The following FAM131C variants were observed in gnomAD, a reference collection of about 807,000 sequenced individuals.
FAM131C encodes the protein protein FAM131C.
FAM131C carries 14 observed loss-of-function variants against 29.8 expected under a neutral mutation model. The ratio of observed to expected loss-of-function variants is 0.47; its 90% confidence interval spans 0.31 to 0.73. The LOEUF (loss-of-function observed/expected upper bound fraction) is 0.73, where lower values mean the gene tolerates loss of function less well. Ranked by LOEUF, FAM131C falls within the 30% of genes least tolerant of loss-of-function variation. FAM131C has a pLI of 0.05. For synonymous variants in FAM131C, 86 were observed against 157.8 expected (o/e 0.54, Z 3.41); for missense variants, 252 against 383.8 (o/e 0.66, Z 2.87).
In FAM131C at chr1:16,062,392, C is replaced by G. The variant is rs987387436; in HGVS notation, c.174+107G>C. 240 of 1,291,288 alleles carry G rather than the reference C, an allele frequency of 1.9e-4. 14 individuals are homozygous for G. The East Asian group carries it at 2.6e-3, about 14-fold the overall frequency. The allele number at this position is 1,291,288 out of a possible 1,614,324, so 80.0% of individuals were successfully genotyped here. ...ACTGTTTCATCAGGCCCCCCCCCCC[C>G]CCGCCCCAGGGCCAGCAGGACTGTG... On this transcript the variant is annotated intron_variant, in intron 3 of 6. Coordinates refer to ENST00000375662, the MANE Select transcript of FAM131C (RefSeq NM_182623.3).
At chr1:16,067,061 C>G (rs2023692031) in intron 1 of FAM131C, among the ~76,000 whole-genome samples, 2 of 152,220 alleles carry the variant, frequency 1.3e-5, no homozygotes, top group African/African-American at 4.8e-5. Context: ...ATGCCAAAGC[C>G]TGGCAGAGGC....
chr1:16,063,235 T>A (rs2124128760), intron 2 of FAM131C, among the ~76,000 whole-genome samples: 1 of 151,470 alleles, frequency 6.6e-6, no homozygotes, highest in East Asian at 1.9e-4. Context: ...TGCTCAGGAG[T>A]AGCGGGCTGG....
chr1:16,062,414 T>C (rs2863457), intron 3 of FAM131C, 85 bp downstream of exon 3: 366,519 of 1,020,518 alleles, frequency 0.36, 51,069 homozygotes, highest in Middle Eastern at 0.43. Flanking sequence ...CCAGCAGGAC[T>C]GTGTGCCTGG....
Position 16,067,905 on chromosome 1 carries a change from C to T in FAM131C, c.23-4269G>A, listed in dbSNP as rs910151300. Among the ~76,000 whole-genome samples the T allele has an allele frequency of 2.0e-5, 3 of 152,144 alleles. No individual in the cohort carries two copies. The East Asian group carries it at 5.8e-4, about 29-fold the overall frequency. On this transcript the variant is annotated intron_variant, in intron 1 of 6. Coordinates refer to ENST00000375662, the MANE Select transcript of FAM131C (RefSeq NM_182623.3). The stretch of plus-strand genomic sequence containing the variant: ...CCAACCCATTAGTCACCATGGTTGC[C>T]ATCTACCCCAAGAGTGCCTCCCAGG...
rs1325743889 is a variant in FAM131C at position 16,059,561 on chromosome 1, A to G, written c.495T>C (p.Ala165=). ...QFAITEATLS[A]WSSLDEEELH... ...GCTCCTCTTCGTCCAGCGAGGACCA[A>G]GCGCTCAGTGTGGCCTCTGTGATGG... The change falls in exon 6 of 7, where the codon GCT becomes GCC. Residue 165 remains alanine (A), a synonymous_variant. Coordinates refer to ENST00000375662, the MANE Select transcript of FAM131C (RefSeq NM_182623.3). The G allele has an allele frequency of 1.9e-6, 3 of 1,607,382 alleles. No homozygotes were observed. Among genetic ancestry groups the G allele is most frequent in the South Asian group, 2.2e-5 (2 of 90,292 alleles).
At chr1:16,062,423 G>C in intron 3 of FAM131C, 76 bp downstream of exon 3, 3 of 1,505,218 alleles carry the variant, frequency 2.0e-6, no homozygotes, top group Non-Finnish European at 2.7e-6. Context: ...CTGTGTGCCT[G>C]GGCTGGGCAC....
At chr1:16,069,890 T>C (rs1347283555) in intron 1 of FAM131C, among the ~76,000 whole-genome samples, 1 of 152,042 alleles carries the variant, frequency 6.6e-6, no homozygotes, top group Non-Finnish European at 1.5e-5. Context: ...GCCTCCCAAA[T>C]AGCTGGGACT....
chr1:16,073,619 C>A lies in FAM131C; in HGVS notation c.-177G>T. 5.1e-6 allele frequency: 1 copy of A among 195,494 alleles called. No individual in the cohort carries two copies. Among genetic ancestry groups the A allele is most frequent in the South Asian group, 1.8e-4 (1 of 5,490 alleles). 12.1% of individuals were successfully genotyped at this position (195,494 alleles called of 1,614,324 possible). A position where few individuals can be genotyped will look rare whatever the true frequency, so the allele number is the denominator to read the frequency against. ...GGGTCGTCCCTGCTGCCGCCGCGCCCGGCTCGCCTCGCGCCGCCGCCTCCC... is the reference window on the plus strand; with the variant it reads ...GGGTCGTCCCTGCTGCCGCCGCGCCAGGCTCGCCTCGCGCCGCCGCCTCCC... On this transcript the variant is annotated 5_prime_UTR_variant, in exon 1 of 7. Coordinates refer to ENST00000375662, the MANE Select transcript of FAM131C (RefSeq NM_182623.3).
rs2023512006 is a variant in FAM131C, at chr1:16,058,064, C to T, written c.*373G>A. The T allele has an allele frequency of 5.9e-6, 1 of 170,926 alleles. No homozygotes were observed. The highest frequency in any genetic ancestry group is 6.0e-5 in the Admixed American group (1 of 16,804). The allele number at this position is 170,926 out of a possible 1,614,324, so 10.6% of individuals were successfully genotyped here. Reference sequence around the variant, plus strand: ...CAGGTACAGGCAGGGTTCCCAGACCCCACTGTAAGTGGGTCTCAGTTCTCT... The same window carrying T: ...CAGGTACAGGCAGGGTTCCCAGACCTCACTGTAAGTGGGTCTCAGTTCTCT... On this transcript the variant is annotated 3_prime_UTR_variant, in exon 7 of 7. Coordinates refer to ENST00000375662, the MANE Select transcript of FAM131C (RefSeq NM_182623.3).
intron 5 of FAM131C, 115 bp downstream of exon 5, chr1:16,059,754 A>G: frequency 1.2e-6 from 1 of 860,802 alleles, no homozygotes; most frequent in Non-Finnish European, 1.6e-6. Context: ...CTTAATACTC[A>G]CCCACCCTAT....
At chr1:16,073,346 C>A in intron 1 of FAM131C, 75 bp downstream of exon 1, 1 of 875,850 alleles carries the variant, frequency 1.1e-6, no homozygotes, top group East Asian at 3.5e-5. Context: ...CCCCATCCCC[C>A]AGGTCTCCGA....
Position 16,057,902 on chromosome 1 carries a change from A to G in FAM131C, c.*535T>C, listed in dbSNP as rs2023504754. 1 of 156,662 alleles carries G rather than the reference A, an allele frequency of 6.4e-6. No homozygotes were observed. Among genetic ancestry groups the G allele is most frequent in the Admixed American group, 6.2e-5 (1 of 16,052 alleles). The allele number at this position is 156,662 out of a possible 1,614,324, so 9.7% of individuals were successfully genotyped here. The stretch of plus-strand genomic sequence containing the variant: ...AGGAAGCAGGTTCAGAGAGGGAGGG[A>G]CAGACAGACAGACACTCCAGAGAGA... On this transcript the variant is annotated 3_prime_UTR_variant, in exon 7 of 7. Transcript: ENST00000375662.
chr1:16,062,496 G>C lies in FAM131C; in HGVS notation c.174+3C>G. ...TAGAATGGGGACACACAAGTGCACT[G>C]ACCTGCCAAGGATCCCAACAGAAAT... On this transcript the variant is annotated splice_donor_region_variant and intron_variant, in intron 3 of 6. Coordinates refer to ENST00000375662, the MANE Select transcript of FAM131C (RefSeq NM_182623.3). 3 of 1,582,900 alleles carry C rather than the reference G, an allele frequency of 1.9e-6. No homozygotes were observed. The highest frequency in any genetic ancestry group is 2.6e-6 in the Non-Finnish European group (3 of 1,164,746).
intron 4 of FAM131C, 31 bp downstream of exon 4, chr1:16,062,068 C>T (rs1238033829): frequency 1.2e-6 from 2 of 1,606,546 alleles, no homozygotes; most frequent in Non-Finnish European, 1.7e-6. Context: ...GTGCATTCTC[C>T]ACCGGCAGGA....
At chr1:16,068,272 G>T (rs1161044372) in intron 1 of FAM131C, among the ~76,000 whole-genome samples, 1 of 152,364 alleles carries the variant, frequency 6.6e-6, no homozygotes, top group East Asian at 1.9e-4. Flanking sequence ...CGCTGCAGGG[G>T]GTGGGCATGG....
intron 2 of FAM131C, 114 bp downstream of exon 2, chr1:16,063,407 G>A: frequency 2.5e-6 from 2 of 808,856 alleles, no homozygotes; most frequent in South Asian, 1.5e-5. Flanking sequence ...CCCACAGGGA[G>A]AAGCGGGTTT....
chr1:16,063,745 C>T, intron 1 of FAM131C, 109 bp from the exon 2 acceptor site: 1 of 673,210 alleles, frequency 1.5e-6, no homozygotes, highest in Non-Finnish European at 2.5e-6. Flanking sequence ...TTTTATCCAA[C>T]AACATCGTAG....
rs1382520688 is a variant in FAM131C, at chr1:16,058,559, G to C, written c.721C>G (p.Leu241Val). The change falls in exon 7 of 7, where the codon CTG becomes GTG. Residue 241 changes from leucine to valine, a missense_variant. Physicochemically the swap from Leu to Val is conservative, Grantham distance 32. Coordinates refer to ENST00000375662, the MANE Select transcript of FAM131C (RefSeq NM_182623.3). ...CCGGGCAGCCGCCGCCGATGCTGCA[G>C]CTCTGGGCTGGGGGGCTGCGGGATG... is the stretch of plus-strand genomic sequence containing the variant. ...AGIPQPPSPE[L>V]QHRRRLPGAQ... The C allele has an allele frequency of 6.5e-7, 1 of 1,537,394 alleles. No homozygotes were observed. Among genetic ancestry groups the C allele is most frequent in the African/African-American group, 1.4e-5 (1 of 73,064 alleles).
chr1:16,058,132 C>T lies in FAM131C; in HGVS notation c.*305G>A, dbSNP rs2124119696. On this transcript the variant is annotated 3_prime_UTR_variant, in exon 7 of 7. Transcript: ENST00000375662. ...GGGGCCTGGCTGTTGCTCCTCTGGG[C>T]CAGGCTGCCCTGGTGTCTCTGAGAG... The T allele has an allele frequency of 4.9e-6, 1 of 203,746 alleles. No homozygotes were observed. Among genetic ancestry groups the T allele is most frequent in the East Asian group, 9.1e-5 (1 of 10,952 alleles). 12.6% of individuals were successfully genotyped at this position (203,746 alleles called of 1,614,324 possible).
Sources: gnomAD v4.1 joint callset for allele counts (sites outside exome capture counted in the v4.1 genomes callset) on GRCh38, gnomAD v4.1.1 for gene constraint, MANE v1.5 for transcripts, NCBI Gene and HGNC (gene_info 2026-07-23, HGNC 2026-07-21) for gene names.